PCSK5: variants seen among roughly 807,000 people sequenced by gnomAD.
PCSK5 encodes proprotein convertase subtilisin/kexin type 5.
A neutral mutation model predicts 233.2 loss-of-function variants in PCSK5; 129 were observed. That is an observed-to-expected ratio of 0.55 (90% CI 0.48 to 0.64). The LOEUF (loss-of-function observed/expected upper bound fraction) is 0.64, where lower values mean the gene tolerates loss of function less well. PCSK5 is among the 30% of genes least tolerant of loss of function. The pLI is 0.00. For synonymous variants in PCSK5, 825 were observed against 879.2 expected (o/e 0.94, Z 1.09); for missense variants, 2,076 against 2,430.1 (o/e 0.85, Z 3.06).
chr9:76,125,122 T>TAA, intron 9 of PCSK5, among the ~76,000 whole-genome samples: 1 of 149,444 alleles, frequency 6.7e-6, no homozygotes, highest in African/African-American at 2.4e-5. Context: ...ATTCTCAATT[T>TAA]AAAAAAAAAA....
intron 29 of PCSK5, among the ~76,000 whole-genome samples, 177 bp from the exon 30 acceptor site, chr9:76,310,479 A>G (rs1262097554): frequency 6.6e-6 from 1 of 152,182 alleles, no homozygotes; most frequent in Non-Finnish European, 1.5e-5. Flanking sequence ...CTTGCTGTCA[A>G]TTGCCTTCTA....
intron 20 of PCSK5, among the ~76,000 whole-genome samples, chr9:76,216,189 T>C (rs1825523208): frequency 6.6e-6 from 1 of 152,050 alleles, no homozygotes; most frequent in Non-Finnish European, 1.5e-5. Context: ...CAGGTCCATA[T>C]GGTGGAGGGA....
At chr9:75,944,860 A>T (rs1414012643) in intron 2 of PCSK5, among the ~76,000 whole-genome samples, 3 of 152,202 alleles carry the variant, frequency 2.0e-5, no homozygotes, top group Admixed American at 2.0e-4. Context: ...CTGTAATCCC[A>T]GCACATTGGG....
chr9:75,904,505 A>G lies in PCSK5; in HGVS notation c.192+13132A>G, dbSNP rs78192719. On this transcript the variant is annotated intron_variant, in intron 1 of 37. Transcript: ENST00000674117. ...CTGAGTAGACATTTTTCCAAAGCAC[A>G]TATGCAAATGGGCAAGAAGCACATC... 4.0e-4 allele frequency among the ~76,000 whole-genome samples: 61 copies of G among 152,340 alleles called. No homozygotes were observed. The East Asian group carries it at 0.011, about 27-fold the overall frequency.
chr9:76,237,454 A>G (rs868840056), intron 22 of PCSK5, among the ~76,000 whole-genome samples: 15 of 152,082 alleles, frequency 9.9e-5, no homozygotes, highest in African/African-American at 3.4e-4. Flanking sequence ...AGAGCCCATA[A>G]TCCAAAAGCA....
intron 5 of PCSK5, among the ~76,000 whole-genome samples, chr9:76,059,996 G>T (rs1271545722): frequency 6.6e-6 from 1 of 152,112 alleles, no homozygotes; most frequent in Admixed American, 6.5e-5. Context: ...ATTTTCTGAA[G>T]ACTTTCAAGA....
intron 5 of PCSK5, among the ~76,000 whole-genome samples, chr9:76,038,390 A>T (rs1389574103): frequency 6.6e-6 from 1 of 152,096 alleles, no homozygotes; most frequent in Non-Finnish European, 1.5e-5. Context: ...ATGCTAGGTG[A>T]TTTGATTTGA....
intron 20 of PCSK5, among the ~76,000 whole-genome samples, chr9:76,225,400 A>G (rs11144803): frequency 0.38 from 58,137 of 152,008 alleles, 11,304 homozygotes; most frequent in Non-Finnish European, 0.42. Context: ...TTCAGCTTCT[A>G]TGAACCTCTC....
chr9:76,289,513 AACATAC>A (rs1828212065), intron 24 of PCSK5, among the ~76,000 whole-genome samples: 1 of 75,796 alleles, frequency 1.3e-5, no homozygotes, highest in African/African-American at 6.2e-5. Context: ...ACACACACGC[AACATAC>A]ACACACACAC....
intron 6 of PCSK5, among the ~76,000 whole-genome samples, chr9:76,070,235 C>T (rs1007956709): frequency 2.0e-5 from 3 of 152,182 alleles, no homozygotes; most frequent in South Asian, 4.2e-4. Flanking sequence ...CTCCTGACCT[C>T]GTGATCCACC....
chr9:76,255,622 A>G (rs1310612277), intron 24 of PCSK5, among the ~76,000 whole-genome samples: 2 of 152,162 alleles, frequency 1.3e-5, no homozygotes, highest in Non-Finnish European at 2.9e-5. Context: ...TGAAGTCAGG[A>G]GTTCAAAACC....
Position 75,891,080 on chromosome 9 carries a change from C to CGGGGCTGCGAGCTGCGGCGGCCT in PCSK5, c.-94_-93insGAGCTGCGGCGGCCTGGGGCTGC. On this transcript the variant is annotated 5_prime_UTR_variant, in exon 1 of 38. Transcript: ENST00000674117. ...CCCGGGGCTGCGAGCTGCGGCGGCC[C>CGGGGCTGCGAGCTGCGGCGGCCT]GGGGCTGCTCGCCGGGCGGCGCAGG... The CGGGGCTGCGAGCTGCGGCGGCCT allele has an allele frequency of 4.4e-6, 5 of 1,136,226 alleles. No individual in the cohort carries two copies. Among genetic ancestry groups the CGGGGCTGCGAGCTGCGGCGGCCT allele is most frequent in the South Asian group, 2.3e-5 (1 of 43,750 alleles). The allele number at this position is 1,136,226 out of a possible 1,614,324, so 70.4% of individuals were successfully genotyped here. A position where few individuals can be genotyped will look rare whatever the true frequency, so the allele number is the denominator to read the frequency against.
intron 6 of PCSK5, among the ~76,000 whole-genome samples, chr9:76,068,991 T>G (rs143745955): frequency 1.3e-5 from 2 of 152,294 alleles, no homozygotes; most frequent in East Asian, 3.9e-4. Context: ...TAACATGAAA[T>G]ATTTAAGGTA....
At chr9:76,055,136 C>T (rs982168036) in intron 5 of PCSK5, among the ~76,000 whole-genome samples, 4 of 151,944 alleles carry the variant, frequency 2.6e-5, no homozygotes, top group African/African-American at 9.7e-5. Context: ...GTAGAAAAAC[C>T]ATCATAATTA....
At position 76,276,727 on chromosome 9, in the gene PCSK5, C is replaced by T. The variant is rs955226145; in HGVS notation, c.3143-15506C>T. Among the ~76,000 whole-genome samples the T allele has an allele frequency of 7.2e-5, 11 of 152,212 alleles. No individual in the cohort carries two copies. The East Asian group carries it at 2.1e-3, about 29-fold the overall frequency. Reference sequence around the variant, plus strand: ...TCTCCTCTCCACCCCAGTCTCATCACTCTCTAACCCTTTATCTGAATTTAC... The same window carrying T: ...TCTCCTCTCCACCCCAGTCTCATCATTCTCTAACCCTTTATCTGAATTTAC... On this transcript the variant is annotated intron_variant, in intron 24 of 37. Transcript: ENST00000674117.
chr9:76,330,013 A>G (rs1829481432), intron 33 of PCSK5, among the ~76,000 whole-genome samples: 1 of 152,000 alleles, frequency 6.6e-6, no homozygotes, highest in Non-Finnish European at 1.5e-5. Flanking sequence ...CCTCGGTGAT[A>G]TTAATGTTGA....
chr9:76,062,169 G>A (rs1267774948), intron 5 of PCSK5, among the ~76,000 whole-genome samples: 6 of 152,006 alleles, frequency 3.9e-5, no homozygotes, highest in Admixed American at 3.3e-4. Context: ...AATTGCTTGA[G>A]CCCAGGAGTT....
intron 5 of PCSK5, among the ~76,000 whole-genome samples, chr9:76,064,463 C>T (rs1378332341): frequency 7.0e-6 from 1 of 141,940 alleles, no homozygotes; most frequent in Non-Finnish European, 1.5e-5. Context: ...GGGGGGCTGA[C>T]CCCCCACCTC....
Position 76,238,988 on chromosome 9 carries a change from C to G in PCSK5, c.2896C>G (p.Gln966Glu). 1 of 1,612,328 alleles carries G rather than the reference C, an allele frequency of 6.2e-7. No individual in the cohort carries two copies. The highest frequency in any genetic ancestry group is 8.5e-7 in the Non-Finnish European group (1 of 1,179,712). ...CTATGGCCGAGAGCACTTCCTGTAC[C>G]AGGGAGAGTGTGGAGATAGCTGCCC... ...DNYGREHFLYQGECGDSCPEG... is the reference protein window; with the variant it reads ...DNYGREHFLYEGECGDSCPEG... The change falls in exon 23 of 38, where the codon CAG becomes GAG. Residue 966 changes from glutamine to glutamate, a missense_variant. By Grantham distance (29) the Gln-to-Glu change is conservative. Around this residue, in one of 6 missense-constraint regions of PCSK5, gnomAD observed 1,510 missense variants for 1,538.1 expected, o/e 0.98. Coordinates refer to ENST00000674117, the MANE Select transcript of PCSK5 (RefSeq NM_001372043.1).
Sources: allele counts gnomAD v4.1 joint callset (sites outside exome capture counted in the v4.1 genomes callset), GRCh38; gene constraint gnomAD v4.1.1; regional missense constraint gnomAD v4.1.1; transcripts MANE v1.5; gene names NCBI Gene and HGNC (gene_info 2026-07-23, HGNC 2026-07-21).